Variants in FAM135A observed in about 807,000 individuals in gnomAD.
FAM135A encodes protein FAM135A.
FAM135A carries 79 observed loss-of-function variants against 146.8 expected under a neutral mutation model. The observed-to-expected ratio is 0.54, with a 90% CI of 0.45 to 0.65. The LOEUF is 0.65. FAM135A is among the 30% of genes least tolerant of loss of function. The probability of loss-of-function intolerance (pLI) is 0.00; values close to 1 mark genes in which losing one functional copy is unlikely to be tolerated. For synonymous variants in FAM135A, 562 were observed against 603.6 expected (o/e 0.93, Z 1.01); for missense variants, 1,623 against 1,758.2 (o/e 0.92, Z 1.38).
At chr6:70,533,916 C>A in intron 18 of FAM135A, 62 bp downstream of exon 18, 3 of 880,112 alleles carry the variant, frequency 3.4e-6, no homozygotes, top group Non-Finnish European at 4.8e-6. Context: ...AAAAGTTAAA[C>A]AGAATTTGTG....
intron 5 of FAM135A, among the ~76,000 whole-genome samples, chr6:70,454,683 G>T (rs1224308722): frequency 6.6e-6 from 1 of 152,140 alleles, no homozygotes; most frequent in African/African-American, 2.4e-5. Context: ...CCTATTTGTT[G>T]TTTTTGTCAG....
At chr6:70,433,109 CT>C (rs1014785329) in intron 4 of FAM135A, among the ~76,000 whole-genome samples, 1 of 148,540 alleles carries the variant, frequency 6.7e-6, no homozygotes, top group Non-Finnish European at 1.5e-5. Context: ...AGTCTTTGCT[CT>C]GTCGCCCAGG....
intron 4 of FAM135A, among the ~76,000 whole-genome samples, chr6:70,433,919 AC>A (rs1772352058): frequency 6.6e-6 from 1 of 152,192 alleles, no homozygotes; most frequent in East Asian, 1.9e-4. Context: ...AAGCTCAGAT[AC>A]TAACAATCTA....
Position 70,533,087 on chromosome 6 carries a change from T to TA in FAM135A, c.3776-68dup, listed in dbSNP as rs980319853. On this transcript the variant is annotated intron_variant, in intron 16 of 21. Coordinates refer to ENST00000418814, the MANE Select transcript of FAM135A (RefSeq NM_001162529.3). Reference sequence around the variant, plus strand: ...GCCATAAGCTTGTCTCTAAAAACTGTAAAAATATGTGATGGTGTACTTTCT... The same window carrying TA: ...GCCATAAGCTTGTCTCTAAAAACTGTAAAAAATATGTGATGGTGTACTTTCT... 4.1e-5 allele frequency: 50 copies of TA among 1,223,122 alleles called. No individual in the cohort carries two copies. In the Admixed American group the frequency reaches 9.3e-4, roughly 23 times the overall value. 75.8% of individuals were successfully genotyped at this position (1,223,122 alleles called of 1,614,324 possible).
chr6:70,440,855 T>C (rs1247111647), intron 4 of FAM135A, among the ~76,000 whole-genome samples: 1 of 152,154 alleles, frequency 6.6e-6, no homozygotes, highest in East Asian at 1.9e-4. Context: ...AATGGAGATA[T>C]CCAAATTCTG....
Position 70,505,495 on chromosome 6 carries a change from G to A in FAM135A, c.1029+2704G>A, listed in dbSNP as rs569411257. Among the ~76,000 whole-genome samples the A allele has an allele frequency of 5.9e-5, 9 of 151,842 alleles. No homozygotes were observed. In the South Asian group the frequency reaches 1.5e-3, roughly 25 times the overall value. ...GTTTGGGTTTGTATTATATTTCCCG[G>A]TGATTAGATTAAGATGACACAGTAT... On this transcript the variant is annotated intron_variant, in intron 12 of 21. Transcript: ENST00000418814.
chr6:70,443,769 G>T (rs1294513921), intron 4 of FAM135A, among the ~76,000 whole-genome samples: 2 of 151,242 alleles, frequency 1.3e-5, no homozygotes, highest in East Asian at 3.9e-4. Context: ...CTTTCTATTG[G>T]TTGATTGGTC....
intron 4 of FAM135A, among the ~76,000 whole-genome samples, chr6:70,441,728 A>G (rs1283911313): frequency 6.9e-6 from 1 of 145,910 alleles, no homozygotes; most frequent in Non-Finnish European, 1.5e-5. Context: ...TCTGTCGCCC[A>G]GGCCAGAGTG....
chr6:70,471,569 G>T lies in FAM135A; in HGVS notation c.158-3841G>T, dbSNP rs376202037. 1.4e-4 allele frequency among the ~76,000 whole-genome samples: 21 copies of T among 147,110 alleles called. No individual in the cohort carries two copies. In the East Asian group the frequency reaches 3.5e-3, roughly 25 times the overall value. On this transcript the variant is annotated intron_variant, in intron 5 of 21. Transcript: ENST00000418814. ...CACCCTGGGGCCTGTTGGAGGATAG[G>T]GGGTGGGAGGAGGGAGAGGATCAAT...
chr6:70,449,864 T>A (rs1263935546), intron 4 of FAM135A, among the ~76,000 whole-genome samples: 1 of 152,234 alleles, frequency 6.6e-6, no homozygotes, highest in African/African-American at 2.4e-5. Context: ...GCTGTGCTAA[T>A]TTACATTCTC....
At chr6:70,512,610 T>C (rs1440614387) in intron 12 of FAM135A, among the ~76,000 whole-genome samples, 1 of 151,736 alleles carries the variant, frequency 6.6e-6, no homozygotes, top group African/African-American at 2.4e-5. Context: ...ACTCCTGATA[T>C]TGAGGGTTTT....
At chr6:70,465,041 T>C (rs375393878) in intron 5 of FAM135A, among the ~76,000 whole-genome samples, 17 of 152,054 alleles carry the variant, frequency 1.1e-4, no homozygotes, top group African/African-American at 4.1e-4. Context: ...CAACTCCCCA[T>C]TTTCCTACCC....
At chr6:70,479,191 TTAA>T (rs1783221029) in intron 8 of FAM135A, among the ~76,000 whole-genome samples, 1 of 152,204 alleles carries the variant, frequency 6.6e-6, no homozygotes, top group African/African-American at 2.4e-5. Flanking sequence ...GCTCAGGTTA[TTAA>T]TGTTAGTTTT....
chr6:70,533,691 T>G (rs1015194594), intron 17 of FAM135A, 66 bp from the exon 18 acceptor site: 14 of 925,134 alleles, frequency 1.5e-5, no homozygotes, highest in Middle Eastern at 2.2e-4. Context: ...AATGTTTATA[T>G]TGTTAGTTTT....
chr6:70,480,847 C>T (rs1783558835), intron 8 of FAM135A, 54 bp from the exon 9 acceptor site: 2 of 1,494,772 alleles, frequency 1.3e-6, no homozygotes, highest in Admixed American at 2.3e-5. Context: ...AAATATTTAA[C>T]TTACATTCAA....
chr6:70,452,745 G>T (rs1187303723), intron 5 of FAM135A, among the ~76,000 whole-genome samples, 174 bp downstream of exon 5: 2 of 152,062 alleles, frequency 1.3e-5, no homozygotes, highest in Non-Finnish European at 2.9e-5. Context: ...CAGATACTCT[G>T]TCTCCTTCTT....
chr6:70,432,901 T>G (rs1313813674), intron 4 of FAM135A, among the ~76,000 whole-genome samples: 1 of 152,060 alleles, frequency 6.6e-6, no homozygotes, highest in East Asian at 1.9e-4. Flanking sequence ...AATTTTTCTT[T>G]TTAATTTGTC....
At chr6:70,445,088 A>G (rs1040814684) in intron 4 of FAM135A, among the ~76,000 whole-genome samples, 4 of 152,186 alleles carry the variant, frequency 2.6e-5, no homozygotes, top group Non-Finnish European at 5.9e-5. Flanking sequence ...GTGAGATACT[A>G]TCATGGTGCT....
chr6:70,521,987 G>T (rs942712835), intron 12 of FAM135A, among the ~76,000 whole-genome samples: 1 of 152,132 alleles, frequency 6.6e-6, no homozygotes, highest in African/African-American at 2.4e-5. Flanking sequence ...CGCCATCTTG[G>T]CTCACTGCAA....
Sources: gnomAD v4.1 joint callset for allele counts (sites outside exome capture counted in the v4.1 genomes callset) on GRCh38, gnomAD v4.1.1 for gene constraint, MANE v1.5 for transcripts, NCBI Gene and HGNC (gene_info 2026-07-23, HGNC 2026-07-21) for gene names.